DENND4A: variants seen among roughly 807,000 people sequenced by gnomAD.
DENND4A encodes the protein DENN domain containing 4A.
In DENND4A, 70 loss-of-function variants were observed where a neutral mutation model predicts 199.3. The observed-to-expected ratio is 0.35, with a 90% CI of 0.29 to 0.43. DENND4A has a LOEUF of 0.43. Among genes scored for constraint, DENND4A ranks in the 20% least tolerant of loss-of-function variants. The pLI is 1.00. For synonymous variants in DENND4A, 686 were observed against 766.9 expected (o/e 0.89, Z 1.74); for missense variants, 1,723 against 2,255.8 (o/e 0.76, Z 4.78).
chr15:65,719,504 T>C (rs999491752), intron 12 of DENND4A, among the ~76,000 whole-genome samples: 1 of 152,040 alleles, frequency 6.6e-6, no homozygotes, highest in Non-Finnish European at 1.5e-5. Context: ...AATATCTTCA[T>C]CAATAATGGG....
At chr15:65,785,452 C>T (rs903472195) in intron 1 of DENND4A, among the ~76,000 whole-genome samples, 17 of 148,410 alleles carry the variant, frequency 1.1e-4, no homozygotes, top group Non-Finnish European at 1.8e-4. Context: ...ATCACATCAC[C>T]GCGCTCCAAC....
intron 15 of DENND4A, among the ~76,000 whole-genome samples, chr15:65,705,184 C>T (rs2075008316): frequency 6.6e-6 from 1 of 152,086 alleles, no homozygotes; most frequent in South Asian, 2.1e-4. Context: ...AATCAACATT[C>T]ATAAACATCT....
intron 1 of DENND4A, among the ~76,000 whole-genome samples, chr15:65,775,636 T>A (rs1277998286): frequency 1.3e-3 from 17 of 13,522 alleles, no homozygotes; most frequent in South Asian, 2.4e-3. Context: ...GCAAGACTCC[T>A]CAAAAAAAAA....
intron 32 of DENND4A, among the ~76,000 whole-genome samples, chr15:65,663,190 A>ATTTTTTTTTTT (rs2075913420): frequency 2.4e-5 from 3 of 123,056 alleles, no homozygotes; most frequent in African/African-American, 1.0e-4. Context: ...ATATATATAT[A>ATTTTTTTTTTT]TATATATATT....
At chr15:65,751,095 T>G (rs1038268729) in intron 4 of DENND4A, among the ~76,000 whole-genome samples, 2 of 152,294 alleles carry the variant, frequency 1.3e-5, no homozygotes, top group Admixed American at 1.3e-4. Flanking sequence ...ATCACCTAGC[T>G]CTTTAAAGAA....
chr15:65,725,814 C>A (rs1407147438), intron 11 of DENND4A, among the ~76,000 whole-genome samples: 1 of 152,092 alleles, frequency 6.6e-6, no homozygotes, highest in Non-Finnish European at 1.5e-5. Context: ...TCAGAAATTT[C>A]TTCATATTTA....
At chr15:65,760,066 G>A (rs2076813663) in intron 2 of DENND4A, among the ~76,000 whole-genome samples, 2 of 152,060 alleles carry the variant, frequency 1.3e-5, no homozygotes, top group South Asian at 2.1e-4. Context: ...ATGTGCTTTC[G>A]TGTGTACATG....
chr15:65,772,997 C>T (rs1296189546), intron 1 of DENND4A, among the ~76,000 whole-genome samples: 1 of 38,290 alleles, frequency 2.6e-5, no homozygotes, highest in Non-Finnish European at 5.5e-5. Context: ...TCTATTGTTT[C>T]TAAGCAAAAA....
chr15:65,760,668 C>T (rs1198191686), intron 2 of DENND4A, among the ~76,000 whole-genome samples: 9 of 152,080 alleles, frequency 5.9e-5, no homozygotes, highest in Admixed American at 2.6e-4. Context: ...ATGGGCAGAT[C>T]ACTTGAGGTC....
At chr15:65,718,036 C>G in intron 12 of DENND4A, 40 bp from the exon 13 acceptor site, 1 of 1,408,032 alleles carries the variant, frequency 7.1e-7, no homozygotes, top group African/African-American at 1.4e-5. Flanking sequence ...TCCAAACTCA[C>G]AAAACACTCA....
At chr15:65,672,948 C>T (rs2076262155) in intron 24 of DENND4A, among the ~76,000 whole-genome samples, 1 of 151,708 alleles carries the variant, frequency 6.6e-6, no homozygotes, top group African/African-American at 2.4e-5. Context: ...GCAACCTCCG[C>T]CTCCTGGGTT....
At chr15:65,666,031 C>G (rs2076024361) in intron 29 of DENND4A, among the ~76,000 whole-genome samples, 1 of 152,106 alleles carries the variant, frequency 6.6e-6, no homozygotes, top group Non-Finnish European at 1.5e-5. Context: ...AAACAAAAAT[C>G]CAGGGTAAAG....
At chr15:65,716,026 T>G (rs1370350386) in intron 13 of DENND4A, among the ~76,000 whole-genome samples, 1 of 152,022 alleles carries the variant, frequency 6.6e-6, no homozygotes, top group Non-Finnish European at 1.5e-5. Context: ...TCGTATTCAT[T>G]CATGTTTGTG....
chr15:65,669,622 G>T (rs907043482), intron 27 of DENND4A, among the ~76,000 whole-genome samples, 157 bp downstream of exon 27: 1 of 152,118 alleles, frequency 6.6e-6, no homozygotes, highest in Non-Finnish European at 1.5e-5. Context: ...TGTGATTAGA[G>T]AATTTTAACA....
intron 7 of DENND4A, among the ~76,000 whole-genome samples, chr15:65,734,648 C>G (rs544249630): frequency 6.6e-6 from 1 of 152,046 alleles, no homozygotes; most frequent in Non-Finnish European, 1.5e-5. Flanking sequence ...TCTAAACAAA[C>G]GTCAAGCAGG....
intron 28 of DENND4A, 97 bp from the exon 29 acceptor site, chr15:65,667,800 T>C (rs902731139): frequency 7.4e-6 from 11 of 1,490,780 alleles, no homozygotes; most frequent in East Asian, 4.5e-5. Flanking sequence ...AGTAATATAA[T>C]TGTATCATGG....
At chr15:65,713,601 C>T (rs1202524897) in intron 14 of DENND4A, among the ~76,000 whole-genome samples, 2 of 152,180 alleles carry the variant, frequency 1.3e-5, no homozygotes, top group African/African-American at 4.8e-5. Context: ...TCTGTGTACA[C>T]TCATGGTTTC....
chr15:65,706,508 AT>A (rs1555422315), intron 14 of DENND4A, among the ~76,000 whole-genome samples: 4 of 136,008 alleles, frequency 2.9e-5, no homozygotes, highest in East Asian at 2.1e-4. Context: ...ATATATATAT[AT>A]TTTTTTTTGA....
chr15:65,697,002 T>C, intron 21 of DENND4A: 1 of 348,090 alleles, frequency 2.9e-6, no homozygotes, highest in Non-Finnish European at 5.3e-6. Flanking sequence ...TATACAGTTC[T>C]ACTAAATACA....
Sources: gnomAD v4.1 joint callset for allele counts (sites outside exome capture counted in the v4.1 genomes callset) on GRCh38, gnomAD v4.1.1 for gene constraint, MANE v1.5 for transcripts, NCBI Gene and HGNC (gene_info 2026-07-23, HGNC 2026-07-21) for gene names.